FRMD4B: variants seen among roughly 807,000 people sequenced by gnomAD.
FRMD4B encodes FERM domain-containing protein 4B.
In FRMD4B, 74 loss-of-function variants were observed where a neutral mutation model predicts 141.5. The ratio of observed to expected loss-of-function variants is 0.52; its 90% CI spans 0.43 to 0.63. The LOEUF (loss-of-function observed/expected upper bound fraction) is 0.63. Among genes scored for constraint, FRMD4B ranks in the 30% least tolerant of loss-of-function variants. The pLI, the probability that FRMD4B is intolerant of heterozygous loss-of-function variation, is 0.00. For synonymous variants in FRMD4B, 506 were observed against 467.9 expected, an observed-to-expected ratio of 1.08 and a Z score of -1.05; for missense variants, 1,366 against 1,253.4, an observed-to-expected ratio of 1.09 and a Z score of -1.36.
chr3:69,249,200 G>A, intron 7 of FRMD4B, 26 bp downstream of exon 7: 1 of 1,459,176 alleles, frequency 6.9e-7, no homozygotes, highest in Non-Finnish European at 9.5e-7. Context: ...ATTTTGCATA[G>A]TAATATCAGA....
chr3:69,212,806 T>C (rs148301828), intron 11 of FRMD4B, among the ~76,000 whole-genome samples: 1 of 152,278 alleles, frequency 6.6e-6, no homozygotes, highest in East Asian at 1.9e-4. Flanking sequence ...ACATGGAAGA[T>C]TCAGAAAAAC....
In FRMD4B at chr3:69,385,809, G is replaced by C. The variant is rs777861852; in HGVS notation, c.162+19C>G. 2.8e-5 allele frequency: 43 copies of C among 1,528,674 alleles called. No homozygotes were observed. In the Admixed American group the frequency reaches 8.2e-4, roughly 29 times the overall value. The allele number at this position is 1,528,674 out of a possible 1,614,324, so 94.7% of individuals were successfully genotyped here. On this transcript the variant is annotated intron_variant, in intron 1 of 22. Coordinates refer to ENST00000398540, the MANE Select transcript of FRMD4B (RefSeq NM_015123.3). ...CGGCATCCTGCTGGGGCCCTCGGGT[G>C]CCGCGCGCTCCAGCTCACCTGGTAC...
At chr3:69,253,183 A>ATTTTTTTTTTT (rs5849890) in intron 5 of FRMD4B, among the ~76,000 whole-genome samples, 3 of 129,880 alleles carry the variant, frequency 2.3e-5, no homozygotes, top group Non-Finnish European at 3.2e-5. Flanking sequence ...TATGATTCCT[A>ATTTTTTTTTTT]TTTTTTTTTT....
At chr3:69,218,201 G>A in intron 10 of FRMD4B, 121 bp downstream of exon 10, 1 of 616,198 alleles carries the variant, frequency 1.6e-6, no homozygotes, top group East Asian at 3.2e-5. Flanking sequence ...CAAAAATAAT[G>A]TACTTTATAA....
At chr3:69,502,198 A>G (rs191973234) in intron 1 of FRMD4B, among the ~76,000 whole-genome samples, 319 of 152,300 alleles carry the variant, frequency 2.1e-3, no homozygotes, top group Non-Finnish European at 3.0e-3. Context: ...GTTCATATGG[A>G]ATCAAAAAAG....
chr3:69,440,737 G>A (rs1447621112), intron 1 of FRMD4B, among the ~76,000 whole-genome samples: 2 of 152,172 alleles, frequency 1.3e-5, no homozygotes, highest in East Asian at 1.9e-4. Flanking sequence ...GAACCTGGGA[G>A]GCAGAGGTTG....
intron 1 of FRMD4B, among the ~76,000 whole-genome samples, chr3:69,377,668 T>G (rs1704008472): frequency 6.6e-6 from 1 of 152,166 alleles, no homozygotes; most frequent in South Asian, 2.1e-4. Context: ...AATAATGGGT[T>G]AATGAAGGTG....
chr3:69,317,419 C>A (rs1701836862), intron 1 of FRMD4B, among the ~76,000 whole-genome samples: 1 of 152,000 alleles, frequency 6.6e-6, no homozygotes, highest in South Asian at 2.1e-4. Context: ...AGGAAAGCCA[C>A]CTGCAGAAAG....
intron 1 of FRMD4B, among the ~76,000 whole-genome samples, chr3:69,321,442 C>T (rs1395999216): frequency 1.3e-5 from 2 of 152,180 alleles, no homozygotes; most frequent in East Asian, 3.8e-4. Flanking sequence ...AAAATGCCTC[C>T]TCAGGATTTT....
At chr3:69,204,132 A>C (rs1052546280) in intron 11 of FRMD4B, among the ~76,000 whole-genome samples, 2 of 152,170 alleles carry the variant, frequency 1.3e-5, no homozygotes, top group Admixed American at 6.5e-5. Context: ...TAGACAAAGC[A>C]AACTCCCTCC....
Position 69,287,816 on chromosome 3 carries a change from G to C in FRMD4B, c.437C>G (p.Ser146Trp). ...FAVRFYIESI[S>W]FLKDKTTVEL... is the part of the protein sequence containing the mutation. ...CACGGTGGTTTTATCCTTTAAAAAC[G>C]ATATGCTCTCAATGTAAAACCTGAA... The change falls in exon 5 of 23, where the codon TCG (serine) becomes TGG (tryptophan). Residue 146 changes from serine to tryptophan, a missense_variant. By Grantham distance (177) the Ser-to-Trp change is radical (BLOSUM62 -3). Coordinates refer to ENST00000398540, the MANE Select transcript of FRMD4B (RefSeq NM_015123.3). 6.3e-7 allele frequency: 1 copy of C among 1,578,802 alleles called. No individual in the cohort carries two copies.
intron 1 of FRMD4B, chr3:69,542,142 G>A (rs1308853610): frequency 1.3e-5 from 2 of 151,946 alleles, no homozygotes; most frequent in Non-Finnish European, 1.5e-5. Flanking sequence ...GCGCGCCCGT[G>A]GCCGCGTCTT....
intron 5 of FRMD4B, among the ~76,000 whole-genome samples, chr3:69,285,437 A>T (rs1700645342): frequency 6.6e-6 from 1 of 152,118 alleles, no homozygotes; most frequent in Admixed American, 6.6e-5. Context: ...AACGGCTAAA[A>T]TGTTTCCGAA....
intron 5 of FRMD4B, among the ~76,000 whole-genome samples, chr3:69,255,983 G>C (rs2093489998): frequency 6.6e-6 from 1 of 152,124 alleles, no homozygotes; most frequent in African/African-American, 2.4e-5. Flanking sequence ...TGTAGTCCCA[G>C]CTACTCAGAA....
At chr3:69,407,329 G>A (rs548622998) in intron 2 of FRMD4B, among the ~76,000 whole-genome samples, 5 of 152,230 alleles carry the variant, frequency 3.3e-5, no homozygotes, top group East Asian at 1.9e-4. Flanking sequence ...AAAGGCGAGC[G>A]TTAGATGGGA....
chr3:69,386,096 G>T (rs965177562), upstream of FRMD4B: 6 of 1,033,088 alleles, frequency 5.8e-6, no homozygotes, highest in Non-Finnish European at 6.7e-6. Flanking sequence ...GCTGGCAGCC[G>T]GGGGGTCAAG....
At chr3:69,235,385 C>T (rs919953564) in intron 7 of FRMD4B, among the ~76,000 whole-genome samples, 11 of 150,144 alleles carry the variant, frequency 7.3e-5, no homozygotes, top group Non-Finnish European at 1.5e-4. Flanking sequence ...AAGGGCCAGG[C>T]GCAGTGACTC....
chr3:69,224,184 A>G (rs2093227282), intron 8 of FRMD4B, among the ~76,000 whole-genome samples: 1 of 152,226 alleles, frequency 6.6e-6, no homozygotes, highest in Admixed American at 6.5e-5. Context: ...AATATATACA[A>G]TATCTAGCTG....
chr3:69,310,269 C>T (rs186932142), intron 3 of FRMD4B, among the ~76,000 whole-genome samples: 1 of 152,090 alleles, frequency 6.6e-6, no homozygotes. Context: ...TAATCAGAAG[C>T]CACAAGGTGT....
Sources: gnomAD v4.1 joint callset for allele counts (sites outside exome capture counted in the v4.1 genomes callset) on GRCh38, gnomAD v4.1.1 for gene constraint, MANE v1.5 for transcripts, NCBI Gene and HGNC (gene_info 2026-07-23, HGNC 2026-07-21) for gene names.